The following PCDHGA10 variants were observed in gnomAD, a reference collection of about 807,000 sequenced individuals.
PCDHGA10 encodes protocadherin gamma-A10.
In PCDHGA10, 42 loss-of-function variants were observed where a neutral mutation model predicts 59.5. The ratio of observed to expected loss-of-function variants is 0.71; its 90% CI spans 0.55 to 0.91. The LOEUF is 0.91. Among genes scored for constraint, PCDHGA10 ranks in the 40% least tolerant of loss-of-function variants. PCDHGA10 has a pLI of 0.00. For missense variants in PCDHGA10, 1,111 were observed against 1,198.2 expected (o/e 0.93, Z 1.07); for synonymous variants, 511 against 517.2 (o/e 0.99, Z 0.16).
Position 141,486,695 on chromosome 5 carries a change from A to T in PCDHGA10, c.2437-8112A>T. On this transcript the variant is annotated intron_variant, in intron 1 of 3. Coordinates refer to ENST00000398610, the MANE Select transcript of PCDHGA10 (RefSeq NM_018913.3). The surrounding 1 kb of genome is among the most constrained non-coding windows in gnomAD (Gnocchi z 5.0). ...TCGAGATGTATCAGCTTCCTCTTTC[A>T]TCTCTCTGAACCCCCAGACAGGAGC... The T allele has an allele frequency of 6.2e-7, 1 of 1,613,912 alleles. No homozygotes were observed. The highest frequency in any genetic ancestry group is 8.5e-7 in the Non-Finnish European group (1 of 1,179,980).
intron 3 of PCDHGA10, among the ~76,000 whole-genome samples, chr5:141,509,277 T>TC (rs566266970): frequency 0.011 from 1,653 of 152,240 alleles, 22 homozygotes; most frequent in Non-Finnish European, 0.018. Context: ...CGCTACCCGC[T>TC]CCCAGGGTCC....
In PCDHGA10 at chr5:141,512,845, A is replaced by G. The variant is rs1166488780; in HGVS notation, c.*1672A>G. On this transcript the variant is annotated 3_prime_UTR_variant, in exon 4 of 4. Coordinates refer to ENST00000398610, the MANE Select transcript of PCDHGA10 (RefSeq NM_018913.3). ...CTCCCCCGTACTGACTTCTCCTATA[A>G]GCGCTTCTCTTCGCATAGTCACGTA... The G allele has an allele frequency of 6.6e-6, 1 of 152,156 alleles. No individual in the cohort carries two copies. Among genetic ancestry groups the G allele is most frequent in the African/African-American group, 2.4e-5 (1 of 41,380 alleles). 9.4% of individuals were successfully genotyped at this position (152,156 alleles called of 1,614,324 possible).
chr5:141,448,903 C>A (rs1460471063), intron 1 of PCDHGA10, among the ~76,000 whole-genome samples: 2 of 152,112 alleles, frequency 1.3e-5, no homozygotes, highest in Non-Finnish European at 2.9e-5. Context: ...CGAGATCGTG[C>A]CACTGCACTC....
chr5:141,481,694 C>A (rs2099542163), intron 1 of PCDHGA10, among the ~76,000 whole-genome samples: 1 of 152,130 alleles, frequency 6.6e-6, no homozygotes, highest in South Asian at 2.1e-4. Flanking sequence ...TGGCTCACGC[C>A]TGTAATCCCA....
chr5:141,490,990 C>A lies in PCDHGA10; in HGVS notation c.2437-3817C>A, dbSNP rs1230384508. On this transcript the variant is annotated intron_variant, in intron 1 of 3. Transcript: ENST00000398610. The surrounding 1 kb of genome is among the most constrained non-coding windows in gnomAD (Gnocchi z 5.4). ...CCCCCAGCGTCTCCCTCGCTCTGCTCCTCCTGGCTCCTTGGTCACCAAGGT... is the reference window on the plus strand; with the variant it reads ...CCCCCAGCGTCTCCCTCGCTCTGCTACTCCTGGCTCCTTGGTCACCAAGGT... The A allele has an allele frequency of 6.2e-7, 1 of 1,614,102 alleles. No homozygotes were observed. The highest frequency in any genetic ancestry group is 8.5e-7 in the Non-Finnish European group (1 of 1,180,022).
intron 1 of PCDHGA10, among the ~76,000 whole-genome samples, chr5:141,435,652 G>A (rs978809372): frequency 3.9e-5 from 6 of 152,226 alleles, no homozygotes; most frequent in East Asian, 1.9e-4. Flanking sequence ...TTTCTGAAAC[G>A]TGCACAGATT....
At chr5:141,423,980 G>A (rs2154550577) in intron 1 of PCDHGA10, 1 of 1,110,878 alleles carries the variant, frequency 9.0e-7, no homozygotes, top group South Asian at 4.5e-5. Flanking sequence ...AGTGTATGAG[G>A]CTCTCAATTT....
In PCDHGA10 at chr5:141,435,388, G is replaced by T. The variant is rs186494703; in HGVS notation, c.2436+19777G>T. Among the ~76,000 whole-genome samples, 241 of 152,094 alleles carry T rather than the reference G, an allele frequency of 1.6e-3. 5 individuals carry two copies. Among genetic ancestry groups the T allele is most frequent in the Non-Finnish European group, 2.1e-4 (14 of 67,992 alleles). The stretch of plus-strand genomic sequence containing the variant: ...ACTTAAATATACAATATACCGTATT[G>T]CCATGACGAAAAATGGTAAAGACTA... On this transcript the variant is annotated intron_variant, in intron 1 of 3. Transcript: ENST00000398610.
chr5:141,438,714 G>A (rs1051491309), intron 1 of PCDHGA10, among the ~76,000 whole-genome samples: 1 of 147,786 alleles, frequency 6.8e-6, no homozygotes, highest in South Asian at 2.2e-4. Flanking sequence ...AGGCTGGAGT[G>A]CAAGTGGTGT....
At chr5:141,425,379 G>A (rs1330938768) in intron 1 of PCDHGA10, among the ~76,000 whole-genome samples, 7 of 152,152 alleles carry the variant, frequency 4.6e-5, no homozygotes, top group African/African-American at 4.8e-5. Context: ...ATGTTGATTC[G>A]GAGGTAGTGA....
chr5:141,472,339 A>T (rs1330302365), intron 1 of PCDHGA10, among the ~76,000 whole-genome samples: 1 of 151,906 alleles, frequency 6.6e-6, no homozygotes, highest in Non-Finnish European at 1.5e-5. Flanking sequence ...TGGGAGATCG[A>T]GACCATCCTG....
rs1275109387 is a variant in PCDHGA10 at position 141,431,924 on chromosome 5, A to G, written c.2436+16313A>G. The G allele has an allele frequency of 1.1e-5, 17 of 1,614,050 alleles. No homozygotes were observed. Among genetic ancestry groups the G allele is most frequent in the Non-Finnish European group, 1.4e-5 (17 of 1,179,982 alleles). On this transcript the variant is annotated intron_variant, in intron 1 of 3. Coordinates refer to ENST00000398610, the MANE Select transcript of PCDHGA10 (RefSeq NM_018913.3). The surrounding 1 kb of genome is among the most constrained non-coding windows in gnomAD (Gnocchi z 4.8). ...ACAGGTGATCTGTTTCATCCAAGGA[A>G]ATCTGCCCTTTAAATTAGAAAAATC... is the stretch of plus-strand genomic sequence containing the variant.
In PCDHGA10 at chr5:141,491,786, C is replaced by T; in HGVS notation, c.2437-3021C>T. The stretch of plus-strand genomic sequence containing the variant: ...CCTCATAAGGGATTGAACTTGCATC[C>T]ACTCCTCTCCGGCCGGCTTGGTCGC... On this transcript the variant is annotated intron_variant, in intron 1 of 3. Coordinates refer to ENST00000398610, the MANE Select transcript of PCDHGA10 (RefSeq NM_018913.3). This position sits in a 1 kb window ranked among gnomAD's most constrained non-coding sequence, Gnocchi z 6.9. The T allele has an allele frequency of 1.3e-6, 2 of 1,529,640 alleles. No individual in the cohort carries two copies. The highest frequency in any genetic ancestry group is 2.5e-5 in the South Asian group (2 of 80,832). The allele number at this position is 1,529,640 out of a possible 1,614,324, so 94.8% of individuals were successfully genotyped here.
Position 141,476,263 on chromosome 5 carries a change from C to T in PCDHGA10, c.2437-18544C>T. 1 of 1,613,940 alleles carries T rather than the reference C, an allele frequency of 6.2e-7. No individual in the cohort carries two copies. The highest frequency in any genetic ancestry group is 8.5e-7 in the Non-Finnish European group (1 of 1,180,010). Reference sequence around the variant, plus strand: ...GAGAGAAGGGTTTCGCTGTGGGCAACGTGGTCGCGAACCTTGGTTTGGATC... The same window carrying T: ...GAGAGAAGGGTTTCGCTGTGGGCAATGTGGTCGCGAACCTTGGTTTGGATC... On this transcript the variant is annotated intron_variant, in intron 1 of 3. Transcript: ENST00000398610. The surrounding 1 kb of genome is among the most constrained non-coding windows in gnomAD (Gnocchi z 7.6).
Position 141,431,051 on chromosome 5 carries a change from G to C in PCDHGA10, c.2436+15440G>C, listed in dbSNP as rs1280440001. On this transcript the variant is annotated intron_variant, in intron 1 of 3. Coordinates refer to ENST00000398610, the MANE Select transcript of PCDHGA10 (RefSeq NM_018913.3). This position sits in a 1 kb window ranked among gnomAD's most constrained non-coding sequence, Gnocchi z 4.8. ...GATAGACCGGGAGGAGCTCTGTATGGGGGCCATCAAGTGTCAATTAAATCT... is the reference window on the plus strand; with the variant it reads ...GATAGACCGGGAGGAGCTCTGTATGCGGGCCATCAAGTGTCAATTAAATCT... 3 of 1,614,218 alleles carry C rather than the reference G, an allele frequency of 1.9e-6. No homozygotes were observed. Among genetic ancestry groups the C allele is most frequent in the East Asian group, 2.2e-5 (1 of 44,886 alleles).
Position 141,453,292 on chromosome 5 carries a change from T to A in PCDHGA10, c.2436+37681T>A, listed in dbSNP as rs141563552. The stretch of plus-strand genomic sequence containing the variant: ...CCATGACTGGCTAATTTTTTAATTA[T>A]TTATTTATTTATTTATTTATTTTAG... On this transcript the variant is annotated intron_variant, in intron 1 of 3. Transcript: ENST00000398610. Among the ~76,000 whole-genome samples, 253 of 151,810 alleles carry A rather than the reference T, an allele frequency of 1.7e-3. 1 individual carries two copies. The highest frequency in any genetic ancestry group is 2.6e-3 in the Non-Finnish European group (178 of 67,938).
In PCDHGA10 at chr5:141,478,182, A is replaced by T. The variant is rs777228133; in HGVS notation, c.2437-16625A>T. The T allele has an allele frequency of 5.0e-6, 8 of 1,613,866 alleles. No individual in the cohort carries two copies. In the South Asian group the frequency reaches 8.8e-5, roughly 18 times the overall value. ...TCTGCCCCCCGGGAGCAGAAAAAAA[A>T]TCTCACCTTTTATCTACTTCTTTCT... is the stretch of plus-strand genomic sequence containing the variant. On this transcript the variant is annotated intron_variant, in intron 1 of 3. Transcript: ENST00000398610.
At chr5:141,434,080 A>G (rs775751994) in intron 1 of PCDHGA10, among the ~76,000 whole-genome samples, 2 of 152,042 alleles carry the variant, frequency 1.3e-5, no homozygotes, top group Non-Finnish European at 2.9e-5. Flanking sequence ...TCAATTATTT[A>G]TTTTGATGCT....
In PCDHGA10 at chr5:141,418,448, C is replaced by T. The variant is rs1240295197; in HGVS notation, c.2436+2837C>T. On this transcript the variant is annotated intron_variant, in intron 1 of 3. Transcript: ENST00000398610. ...TGGCAAATATCCAGAATTAGTATTG[C>T]AGAAGACTCTGGACCGAGAAACGCA... 1.9e-6 allele frequency: 3 copies of T among 1,613,850 alleles called. No homozygotes were observed. The African/African-American group carries it at 4.0e-5, about 22-fold the overall frequency.
Sources: gnomAD v4.1 joint callset for allele counts (sites outside exome capture counted in the v4.1 genomes callset) on GRCh38, gnomAD v4.1.1 for gene constraint, Gnocchi (gnomAD v3.1) non-coding constraint, MANE v1.5 for transcripts, NCBI Gene and HGNC (gene_info 2026-07-23, HGNC 2026-07-21) for gene names.